ASIC2: variants seen among roughly 807,000 people sequenced by gnomAD.
ASIC2 encodes the protein acid sensing ion channel subunit 2, also known as acid-sensing ion channel 2.
A neutral mutation model predicts 57.3 loss-of-function variants in ASIC2; 25 were observed. The observed-to-expected ratio is 0.44, with a 90% confidence interval of 0.32 to 0.61. The LOEUF (loss-of-function observed/expected upper bound fraction) is 0.61. Among genes scored for constraint, ASIC2 ranks in the 20% least tolerant of loss-of-function variants. The pLI, the probability that ASIC2 is intolerant of heterozygous loss-of-function variation, is 0.06. For synonymous variants in ASIC2, 319 were observed against 307.5 expected, an observed-to-expected ratio of 1.04 and a Z score of -0.39; for missense variants, 641 against 738.1, an observed-to-expected ratio of 0.87 and a Z score of 1.52.
At chr17:34,146,445 T>C (rs1912419551) in intron 1 of ASIC2, among the ~76,000 whole-genome samples, 1 of 151,886 alleles carries the variant, frequency 6.6e-6, no homozygotes, top group Admixed American at 6.6e-5. Context: ...AGTGTTCTCA[T>C]AAAAAGCCTA....
Position 33,458,447 on chromosome 17 carries a change from G to A in ASIC2, c.556-346380C>T, listed in dbSNP as rs114348391. ...TTCACATGTTTGACTGGGGAGCCAG[G>A]AGAGTTGGGTTTTAGTGAAAGGCCA... On this transcript the variant is annotated intron_variant, in intron 1 of 9. Transcript: ENST00000359872. Among the ~76,000 whole-genome samples the A allele has an allele frequency of 9.1e-3, 1,379 of 152,228 alleles. 16 individuals are homozygous for A. The highest frequency in any genetic ancestry group is 0.032 in the African/African-American group (1,323 of 41,524).
chr17:33,703,343 T>C (rs9748063), intron 1 of ASIC2, among the ~76,000 whole-genome samples: 8,457 of 151,002 alleles, frequency 0.056, 768 homozygotes, highest in African/African-American at 0.19. Context: ...GTTGCTGTTG[T>C]TGTTGTTGTT....
chr17:33,346,159 G>A (rs1008345545), intron 1 of ASIC2, among the ~76,000 whole-genome samples: 12 of 150,018 alleles, frequency 8.0e-5, no homozygotes, highest in South Asian at 4.3e-4. Context: ...CCTGGGAGGC[G>A]GAGGTTGCAA....
intron 9 of ASIC2, 135 bp from the exon 10 acceptor site, chr17:33,014,201 G>C (rs2091794046): frequency 5.6e-6 from 4 of 714,178 alleles, no homozygotes; most frequent in Non-Finnish European, 1.0e-5. Context: ...CATCTGATAG[G>C]CTAGTTTACC....
intron 1 of ASIC2, among the ~76,000 whole-genome samples, chr17:33,919,090 C>T (rs556935951): frequency 1.3e-5 from 2 of 152,274 alleles, no homozygotes; most frequent in African/African-American, 4.8e-5. Context: ...GGCTATCTAG[C>T]TCCCTGGGCA....
At chr17:33,636,184 A>G (rs889402411) in intron 1 of ASIC2, among the ~76,000 whole-genome samples, 20 of 152,260 alleles carry the variant, frequency 1.3e-4, no homozygotes, top group Non-Finnish European at 2.9e-5. Context: ...AAATGCTAGT[A>G]TATGCAAATA....
chr17:33,496,445 T>G (rs997619005), intron 1 of ASIC2, among the ~76,000 whole-genome samples: 1 of 152,042 alleles, frequency 6.6e-6, no homozygotes, highest in Non-Finnish European at 1.5e-5. Flanking sequence ...TATGTAGCAG[T>G]GCTCAGTCCA....
intron 1 of ASIC2, among the ~76,000 whole-genome samples, chr17:33,740,637 CAT>C (rs1251493306): frequency 6.6e-6 from 1 of 152,166 alleles, no homozygotes; most frequent in African/African-American, 2.4e-5. Context: ...TAGCAAGGAA[CAT>C]AGACATCAGA....
At chr17:33,912,239 A>G (rs1284479374) in intron 1 of ASIC2, among the ~76,000 whole-genome samples, 1 of 151,068 alleles carries the variant, frequency 6.6e-6, no homozygotes. Flanking sequence ...CACGCCTGTA[A>G]TCCCGGCGCA....
At chr17:33,057,845 G>T (rs2092004192) in intron 3 of ASIC2, among the ~76,000 whole-genome samples, 2 of 152,196 alleles carry the variant, frequency 1.3e-5, no homozygotes, top group African/African-American at 4.8e-5. Context: ...CCCAACTCCA[G>T]AGGCCATCAG....
intron 1 of ASIC2, among the ~76,000 whole-genome samples, chr17:33,989,361 G>A (rs1474396307): frequency 2.6e-5 from 4 of 151,984 alleles, no homozygotes; most frequent in South Asian, 2.1e-4. Flanking sequence ...AGAAGGACAC[G>A]GCAAAGGTGA....
At chr17:33,132,089 T>A (rs573929446) in intron 1 of ASIC2, among the ~76,000 whole-genome samples, 1 of 152,334 alleles carries the variant, frequency 6.6e-6, no homozygotes, top group African/African-American at 2.4e-5. Flanking sequence ...CTGCACTGGG[T>A]CTGCCTAGCC....
chr17:33,563,098 C>G (rs894264877), intron 1 of ASIC2, among the ~76,000 whole-genome samples: 1 of 152,088 alleles, frequency 6.6e-6, no homozygotes, highest in Non-Finnish European at 1.5e-5. Context: ...GCCAGCCACC[C>G]GTCAAACTGG....
At chr17:33,877,203 A>T (rs1914569301) in intron 1 of ASIC2, among the ~76,000 whole-genome samples, 1 of 152,158 alleles carries the variant, frequency 6.6e-6, no homozygotes, top group African/African-American at 2.4e-5. Context: ...AACGCAGAAG[A>T]TGGGTGATTT....
chr17:34,117,763 T>G (rs1911471493), intron 1 of ASIC2, among the ~76,000 whole-genome samples: 2 of 151,620 alleles, frequency 1.3e-5, no homozygotes, highest in Admixed American at 1.3e-4. Context: ...GAGGGAAGAG[T>G]TGAGGATGAC....
At chr17:33,355,832 T>A (rs950537) in intron 1 of ASIC2, among the ~76,000 whole-genome samples, 25,436 of 152,162 alleles carry the variant, frequency 0.17, 2,949 homozygotes, top group East Asian at 0.49. Flanking sequence ...GCTACAGCTG[T>A]GAACGAGGCA....
chr17:33,309,152 T>C (rs552135237), intron 1 of ASIC2, among the ~76,000 whole-genome samples: 19 of 152,308 alleles, frequency 1.2e-4, no homozygotes, highest in African/African-American at 4.3e-4. Flanking sequence ...AACTCCTTTT[T>C]TTTTTCTTTC....
At chr17:33,409,432 C>G (rs957201795) in intron 1 of ASIC2, among the ~76,000 whole-genome samples, 1 of 152,168 alleles carries the variant, frequency 6.6e-6, no homozygotes, top group Non-Finnish European at 1.5e-5. Context: ...AACACCTTGT[C>G]TGAGAAAACT....
At chr17:33,643,583 G>C (rs1292725078) in intron 1 of ASIC2, among the ~76,000 whole-genome samples, 1 of 152,216 alleles carries the variant, frequency 6.6e-6, no homozygotes, top group East Asian at 1.9e-4. Context: ...AGGTGGAATA[G>C]ATCATGATTA....
Sources: gnomAD v4.1 joint callset for allele counts (sites outside exome capture counted in the v4.1 genomes callset) on GRCh38, gnomAD v4.1.1 for gene constraint, MANE v1.5 for transcripts, NCBI Gene and HGNC (gene_info 2026-07-23, HGNC 2026-07-21) for gene names.